DLG2: variants seen among roughly 807,000 people sequenced by gnomAD.
The protein encoded by DLG2 is disks large homolog 2.
DLG2 carries 45 observed loss-of-function variants against 132.5 expected under a neutral mutation model. That is an observed-to-expected ratio of 0.34 (90% CI 0.27 to 0.44). DLG2 has a LOEUF of 0.44. Ranked by LOEUF, DLG2 falls within the 20% of genes least tolerant of loss-of-function variation. The pLI is 1.00. For synonymous variants in DLG2, 424 were observed against 419.6 expected (o/e 1.01, Z -0.13); for missense variants, 1,045 against 1,196.9 (o/e 0.87, Z 1.87).
At chr11:83,659,571 T>C (rs1188769554) in intron 18 of DLG2, among the ~76,000 whole-genome samples, 1 of 152,236 alleles carries the variant, frequency 6.6e-6, no homozygotes, top group Non-Finnish European at 1.5e-5. Flanking sequence ...TACAATCTTA[T>C]TCATCCAGGC....
intron 6 of DLG2, among the ~76,000 whole-genome samples, chr11:84,757,764 T>C (rs941765182): frequency 6.6e-6 from 1 of 152,212 alleles, no homozygotes; most frequent in Non-Finnish European, 1.5e-5. Context: ...CCAAATCCTG[T>C]ATGTTTCCCA....
At chr11:84,988,165 G>A (rs541054004) in intron 6 of DLG2, among the ~76,000 whole-genome samples, 2 of 152,114 alleles carry the variant, frequency 1.3e-5, no homozygotes, top group Admixed American at 1.3e-4. Context: ...TAATGATCAG[G>A]GAAATGCACA....
chr11:84,371,040 A>C (rs1158203217), intron 7 of DLG2, among the ~76,000 whole-genome samples: 2 of 152,080 alleles, frequency 1.3e-5, no homozygotes, highest in Non-Finnish European at 2.9e-5. Flanking sequence ...CTTATGTCCA[A>C]AGGACCAAAG....
chr11:85,467,573 A>G (rs935452766), intron 3 of DLG2, among the ~76,000 whole-genome samples: 2 of 152,054 alleles, frequency 1.3e-5, no homozygotes, highest in African/African-American at 4.8e-5. Flanking sequence ...ATAGTCATGT[A>G]GTTTTTGTCA....
intron 7 of DLG2, among the ~76,000 whole-genome samples, chr11:84,275,283 GC>G (rs1441030451): frequency 1.3e-5 from 2 of 152,124 alleles, no homozygotes; most frequent in African/African-American, 4.8e-5. Flanking sequence ...TTTAAAAACT[GC>G]CCTTTGAATC....
intron 6 of DLG2, among the ~76,000 whole-genome samples, chr11:84,711,015 T>TATAG (rs1555179010): frequency 1.1e-5 from 1 of 87,322 alleles, no homozygotes; most frequent in African/African-American, 4.6e-5. Context: ...TATAGATATA[T>TATAG]ATATATATAT....
chr11:84,207,014 A>G (rs1419483386), intron 8 of DLG2, among the ~76,000 whole-genome samples: 1 of 151,834 alleles, frequency 6.6e-6, no homozygotes, highest in East Asian at 1.9e-4. Context: ...TAAAAAATCA[A>G]TGCCAATTCA....
At chr11:84,383,004 C>T (rs1007616287) in intron 7 of DLG2, among the ~76,000 whole-genome samples, 37 of 151,942 alleles carry the variant, frequency 2.4e-4, no homozygotes, top group East Asian at 1.4e-3. Flanking sequence ...ATCTGTCCTC[C>T]ACATTGCTGC....
At chr11:84,905,129 C>T (rs1381948520) in intron 6 of DLG2, among the ~76,000 whole-genome samples, 1 of 152,130 alleles carries the variant, frequency 6.6e-6, no homozygotes, top group African/African-American at 2.4e-5. Context: ...CAGTGACTCT[C>T]CCATCGCAGC....
chr11:85,024,599 C>T (rs1043434781), intron 6 of DLG2, among the ~76,000 whole-genome samples: 3 of 152,150 alleles, frequency 2.0e-5, no homozygotes, highest in African/African-American at 4.8e-5. Context: ...ATATAGCCAC[C>T]ATCGTACTTT....
chr11:83,933,118 G>A (rs1214273040), intron 14 of DLG2, among the ~76,000 whole-genome samples: 2 of 152,172 alleles, frequency 1.3e-5, no homozygotes, highest in African/African-American at 4.8e-5. Flanking sequence ...AACAAGAAAT[G>A]CCGTTTTATA....
chr11:84,646,291 G>A (rs2099674866), intron 6 of DLG2, among the ~76,000 whole-genome samples: 1 of 151,438 alleles, frequency 6.6e-6, no homozygotes, highest in African/African-American at 2.4e-5. Context: ...TGACACCACA[G>A]GGTTTGACCA....
intron 6 of DLG2, among the ~76,000 whole-genome samples, chr11:85,087,382 GGTGCCA>G (rs1188471188): frequency 6.6e-6 from 1 of 152,276 alleles, no homozygotes; most frequent in African/African-American, 2.4e-5. Flanking sequence ...AAGACTAAAA[GGTGCCA>G]GTCTTTCAGT....
intron 6 of DLG2, among the ~76,000 whole-genome samples, chr11:84,906,880 G>A (rs1271088966): frequency 6.6e-6 from 1 of 152,124 alleles, no homozygotes; most frequent in Non-Finnish European, 1.5e-5. Context: ...TTAAACTGTT[G>A]TAGATGTTTA....
intron 6 of DLG2, among the ~76,000 whole-genome samples, chr11:84,981,934 T>C (rs537383222): frequency 2.0e-5 from 3 of 152,172 alleles, no homozygotes; most frequent in Non-Finnish European, 4.4e-5. Context: ...GGTTTAGTCC[T>C]CATTTTACCT....
At chr11:84,835,039 G>T (rs1954976) in intron 6 of DLG2, among the ~76,000 whole-genome samples, 3,716 of 151,678 alleles carry the variant, frequency 0.024, 173 homozygotes, top group African/African-American at 0.086. Context: ...CAGTGATACA[G>T]CATGCAGAGT....
At chr11:84,781,185 G>A (rs1255690061) in intron 6 of DLG2, among the ~76,000 whole-genome samples, 6 of 151,926 alleles carry the variant, frequency 3.9e-5, no homozygotes, top group Admixed American at 1.3e-4. Flanking sequence ...TTGAATGTAA[G>A]TTAGTGTCAC....
chr11:85,214,245 C>T (rs1007349883), intron 4 of DLG2, among the ~76,000 whole-genome samples: 7 of 152,120 alleles, frequency 4.6e-5, no homozygotes, highest in African/African-American at 4.8e-5. Flanking sequence ...TTTTAGCTCT[C>T]GTCTTGATTA....
Position 83,930,311 on chromosome 11 carries a change from G to A in DLG2, c.1496+17C>T. 1 of 1,612,552 alleles carries A rather than the reference G, an allele frequency of 6.2e-7. No individual in the cohort carries two copies. Among genetic ancestry groups the A allele is most frequent in the Non-Finnish European group, 8.5e-7 (1 of 1,179,296 alleles). ...CATGCAGTTCGAGAAGATGAAGTGA[G>A]GAAGCGCATGCAGTACCTGGTCATC... On this transcript the variant is annotated intron_variant, in intron 15 of 27. Transcript: ENST00000376104.
Sources: allele counts gnomAD v4.1 joint callset (sites outside exome capture counted in the v4.1 genomes callset), GRCh38; gene constraint gnomAD v4.1.1; transcripts MANE v1.5; gene names NCBI Gene and HGNC (gene_info 2026-07-23, HGNC 2026-07-21).